Variants in ZBTB3 observed in about 807,000 individuals in gnomAD.
The protein encoded by ZBTB3 is zinc finger and BTB domain containing 3.
ZBTB3 carries 15 observed loss-of-function variants against 30.6 expected under a neutral mutation model. The ratio of observed to expected loss-of-function variants is 0.49; its 90% CI spans 0.33 to 0.75. The LOEUF is 0.75. Among genes scored for constraint, ZBTB3 ranks in the 30% least tolerant of loss-of-function variants. The pLI is 0.02. For synonymous variants in ZBTB3, 258 were observed against 261.7 expected (o/e 0.99, Z 0.14); for missense variants, 599 against 652.1 (o/e 0.92, Z 0.89).
rs996162269 is a variant in ZBTB3 at position 62,753,461 on chromosome 11, A to G, written c.204T>C (p.Asn68=). The change falls in exon 2 of 2, where the codon AAT becomes AAC. Residue 68 remains asparagine, a synonymous_variant. Coordinates refer to ENST00000394807, the MANE Select transcript of ZBTB3 (RefSeq NM_001370809.1). ...LDKRDLVCIH[N]EIVTAPAFGL... ...CAAAGGCTGGGGCTGTGACAATTTC[A>G]TTGTGAATACACACCAGATCCCTCT... 4.3e-6 allele frequency: 7 copies of G among 1,614,102 alleles called. No homozygotes were observed. The African/African-American group carries it at 5.3e-5, about 12-fold the overall frequency.
At position 62,754,085 on chromosome 11, in the gene ZBTB3, T is replaced by C; in HGVS notation, c.-173A>G. On this transcript the variant is annotated 5_prime_UTR_variant, in exon 1 of 2. Transcript: ENST00000394807. The stretch of plus-strand genomic sequence containing the variant: ...CATCTCCCTCACGCATTCCAGGGGC[T>C]AAGGACTACCAGGGTGGGAACTAGC... 6.2e-7 allele frequency: 1 copy of C among 1,611,388 alleles called. No homozygotes were observed. Among genetic ancestry groups the C allele is most frequent in the South Asian group, 1.1e-5 (1 of 91,028 alleles).
Position 62,753,347 on chromosome 11 carries a change from C to T in ZBTB3, c.318G>A (p.Leu106=). 6.2e-7 allele frequency: 1 copy of T among 1,614,080 alleles called. No homozygotes were observed. Among genetic ancestry groups the T allele is most frequent in the Non-Finnish European group, 8.5e-7 (1 of 1,180,038 alleles). Residue 106 remains leucine, a synonymous_variant, in exon 2 of 2, where the codon TTG becomes TTA. Coordinates refer to ENST00000394807, the MANE Select transcript of ZBTB3 (RefSeq NM_001370809.1). ...ACACCTTGACGATGTCATTCATGTG[C>T]AAGTAGCTGGCAGCTGCCAGCACAT... The part of the protein sequence containing the change: ...VEDVLAAASY[L]HMNDIVKVCK...
rs2084016125 is a variant in ZBTB3 at position 62,751,951 on chromosome 11, A to T, written c.*139T>A. The T allele has an allele frequency of 7.1e-5, 20 of 283,278 alleles. No homozygotes were observed. Among genetic ancestry groups the T allele is most frequent in the South Asian group, 3.3e-4 (4 of 12,240 alleles). The allele number at this position is 283,278 out of a possible 1,614,324, so 17.5% of individuals were successfully genotyped here. ...CTCTGTCTCAAAAAAATAAAAGATT[A>T]AAAAAAAAAAAGGGTAGGAACTTTC... On this transcript the variant is annotated 3_prime_UTR_variant, in exon 2 of 2. Transcript: ENST00000394807.
chr11:62,753,528 C>T lies in ZBTB3; in HGVS notation c.137G>A (p.Ser46Asn). ...CTTGTAGAAAAGCTGGAAGAATGGGCTGCAGGAGGCCAGCACAGCCCGATG... is the reference window on the plus strand; with the variant it reads ...CTTGTAGAAAAGCTGGAAGAATGGGTTGCAGGAGGCCAGCACAGCCCGATG... The part of the protein sequence containing the change: ...LAHRAVLASC[S>N]PFFQLFYKER... The change falls in exon 2 of 2, where the codon AGC becomes AAC. Residue 46 changes from serine (S) to asparagine (N), a missense_variant. Coordinates refer to ENST00000394807, the MANE Select transcript of ZBTB3 (RefSeq NM_001370809.1). 1 of 1,614,240 alleles carries T rather than the reference C, an allele frequency of 6.2e-7. No individual in the cohort carries two copies. The highest frequency in any genetic ancestry group is 1.3e-5 in the African/African-American group (1 of 75,072).
chr11:62,752,693 C>T lies in ZBTB3; in HGVS notation c.972G>A (p.Gln324=). ...CAGATGGGAAAGCTCTCTCAGGACC[C>T]TGAGGCTGTTCATCTGACACATCAG... ...EETDVSDEQP[Q]GPERAFPSGG... is the part of the protein sequence containing the mutation. Residue 324 remains glutamine, a synonymous_variant, in exon 2 of 2, where the codon CAG becomes CAA. Coordinates refer to ENST00000394807, the MANE Select transcript of ZBTB3 (RefSeq NM_001370809.1). 6.2e-7 allele frequency: 1 copy of T among 1,614,214 alleles called. No individual in the cohort carries two copies.
rs772793393 is a variant in ZBTB3, at chr11:62,752,748, A to C, written c.917T>G (p.Val306Gly). 6.2e-7 allele frequency: 1 copy of C among 1,614,178 alleles called. No individual in the cohort carries two copies. The highest frequency in any genetic ancestry group is 1.1e-5 in the South Asian group (1 of 91,084). Residue 306 changes from valine to glycine, a missense_variant, in exon 2 of 2, where the codon GTT becomes GGT. Physicochemically the swap from Val to Gly is moderately radical, Grantham distance 109. Transcript: ENST00000394807. ...TTCATCAGAGATCACAATAGCTTCA[A>C]CTTTCACCTGGACCAGCTCAGCTTC... is the stretch of plus-strand genomic sequence containing the variant. ...PAEAELVQVK[V>G]EAIVISDEET...
rs760402045 is a variant in ZBTB3 at position 62,754,011 on chromosome 11, A to G, written c.-99T>C. The G allele has an allele frequency of 3.1e-6, 5 of 1,612,972 alleles. No individual in the cohort carries two copies. The South Asian group carries it at 5.5e-5, about 18-fold the overall frequency. The stretch of plus-strand genomic sequence containing the variant: ...CGAAGTAGAGATCTTTTTCGCTCCC[A>G]GGCCTTGCCAGGCGATGCCTCTACG... On this transcript the variant is annotated 5_prime_UTR_variant, in exon 1 of 2. Transcript: ENST00000394807.
Position 62,753,560 on chromosome 11 carries a change from G to T in ZBTB3, c.105C>A (p.Phe35Leu). The T allele has an allele frequency of 6.2e-7, 1 of 1,614,132 alleles. No individual in the cohort carries two copies. Among genetic ancestry groups the T allele is most frequent in the Non-Finnish European group, 8.5e-7 (1 of 1,180,018 alleles). The change falls in exon 2 of 2, where the codon TTC becomes TTA. Residue 35 changes from phenylalanine (F) to leucine (L), a missense_variant. Physicochemically the swap from Phe to Leu is conservative, Grantham distance 22. Transcript: ENST00000394807. The stretch of plus-strand genomic sequence containing the variant: ...AGGCCAGCACAGCCCGATGGGCCAA[G>T]AACTGGGTACTACCCACCATCACGG... ...DCTVMVGSTQ[F>L]LAHRAVLASC...
intron 1 of ZBTB3, 27 bp downstream of exon 1, chr11:62,753,937 G>A (rs899916826): frequency 1.3e-6 from 2 of 1,599,760 alleles, no homozygotes; most frequent in South Asian, 1.1e-5. Context: ...CCGCCCCTTA[G>A]CCACCCTCCG....
chr11:62,753,705 C>A lies in ZBTB3; in HGVS notation c.-41G>T, dbSNP rs769044932. 5 of 1,595,380 alleles carry A rather than the reference C, an allele frequency of 3.1e-6. No homozygotes were observed. The highest frequency in any genetic ancestry group is 4.3e-6 in the Non-Finnish European group (5 of 1,171,842). On this transcript the variant is annotated 5_prime_UTR_variant, in exon 2 of 2. Transcript: ENST00000394807. Reference sequence around the variant, plus strand: ...AAAGGGGGCCCAAAAAAGGTCCCCACCAGTGGCTCCCTGAGAAAAAAGGGC... The same window carrying A: ...AAAGGGGGCCCAAAAAAGGTCCCCAACAGTGGCTCCCTGAGAAAAAAGGGC...
rs1329137676 is a variant in ZBTB3, at chr11:62,752,613, C to T, written c.1052G>A (p.Gly351Glu). The T allele has an allele frequency of 2.5e-6, 4 of 1,614,170 alleles. No homozygotes were observed. The highest frequency in any genetic ancestry group is 1.7e-5 in the Admixed American group (1 of 60,018). ...PSQPEAFEDP[G>E]AAGLEEVGPS... ...CCCCACCTCCTCCAGTCCTGCTGCC[C>T]CTGGGTCTTCAAAAGCCTCTGGCTG... Residue 351 changes from glycine (G) to glutamate (E), a missense_variant, in exon 2 of 2, where the codon GGG (glycine) becomes GAG (glutamate). Coordinates refer to ENST00000394807, the MANE Select transcript of ZBTB3 (RefSeq NM_001370809.1).
Position 62,754,126 on chromosome 11 carries a change from C to G in ZBTB3, c.-214G>C, listed in dbSNP as rs983409636. ...GGGAACTAGCGGAGAAAGCTGATAC[C>G]TCACCCACCACCGAGCAGCCACAGG... On this transcript the variant is annotated 5_prime_UTR_variant, in exon 1 of 2. Transcript: ENST00000394807. 6.6e-7 allele frequency: 1 copy of G among 1,520,486 alleles called. No individual in the cohort carries two copies. The highest frequency in any genetic ancestry group is 1.1e-5 in the South Asian group (1 of 89,172). The allele number at this position is 1,520,486 out of a possible 1,614,324, so 94.2% of individuals were successfully genotyped here. A position where few individuals can be genotyped will look rare whatever the true frequency, so the allele number is the denominator to read the frequency against.
At position 62,752,899 on chromosome 11, in the gene ZBTB3, G is replaced by C; in HGVS notation, c.766C>G (p.Leu256Val). Reference sequence around the variant, plus strand: ...GGATCCTTTGGTTCCACCACCCTCAGACTCTCAGGACCCACATCAAGAGAT... The same window carrying C: ...GGATCCTTTGGTTCCACCACCCTCACACTCTCAGGACCCACATCAAGAGAT... Reference protein sequence around the residue: ...LPSLDVGPESLRVVEPKDPGG... With the variant: ...LPSLDVGPESVRVVEPKDPGG... The change falls in exon 2 of 2, where the codon CTG becomes GTG. Residue 256 changes from leucine (L) to valine (V), a missense_variant. Leu to Val is a conservative substitution (Grantham distance 32, BLOSUM62 1). Transcript: ENST00000394807. 1 of 1,614,106 alleles carries C rather than the reference G, an allele frequency of 6.2e-7. No homozygotes were observed. Among genetic ancestry groups the C allele is most frequent in the East Asian group, 2.2e-5 (1 of 44,880 alleles).
Position 62,752,956 on chromosome 11 carries a change from C to G in ZBTB3, c.709G>C (p.Gly237Arg). ...GGCTCCAATGAAACTGCTGAGATGC[C>G]AGAAGAGAAGTAGTTTGTAGGAATG... ...ETIPTNYFSSGISAVSLEPLP... is the reference protein window; with the variant it reads ...ETIPTNYFSSRISAVSLEPLP... Residue 237 changes from glycine to arginine, a missense_variant, in exon 2 of 2, where the codon GGC becomes CGC. Coordinates refer to ENST00000394807, the MANE Select transcript of ZBTB3 (RefSeq NM_001370809.1). 1 of 1,614,094 alleles carries G rather than the reference C, an allele frequency of 6.2e-7. No individual in the cohort carries two copies. The highest frequency in any genetic ancestry group is 8.5e-7 in the Non-Finnish European group (1 of 1,180,020).
In ZBTB3 at chr11:62,752,695, G is replaced by C; in HGVS notation, c.970C>G (p.Gln324Glu). 1.2e-6 allele frequency: 2 copies of C among 1,614,202 alleles called. No individual in the cohort carries two copies. Among genetic ancestry groups the C allele is most frequent in the South Asian group, 2.2e-5 (2 of 91,086 alleles). The part of the protein sequence containing the change: ...EETDVSDEQP[Q>E]GPERAFPSGG... ...GATGGGAAAGCTCTCTCAGGACCCTGAGGCTGTTCATCTGACACATCAGTC... is the reference window on the plus strand; with the variant it reads ...GATGGGAAAGCTCTCTCAGGACCCTCAGGCTGTTCATCTGACACATCAGTC... The change falls in exon 2 of 2, where the codon CAG becomes GAG. Residue 324 changes from glutamine to glutamate, a missense_variant. Physicochemically the swap from Gln to Glu is conservative, Grantham distance 29 (BLOSUM62 2). Coordinates refer to ENST00000394807, the MANE Select transcript of ZBTB3 (RefSeq NM_001370809.1).
Position 62,752,524 on chromosome 11 carries a change from G to A in ZBTB3, c.1141C>T (p.Gln381Ter). The stretch of plus-strand genomic sequence containing the variant: ...GAGGTCACCAGTCCTCGATGATACT[G>A]CCCTGCACCTGGCAGCAGATGGTAG... ...LPYHLLPGAGQYHRGLVTSPL... is the reference protein window; with the variant it reads ...LPYHLLPGAG Residue 381 changes from glutamine to a stop codon, truncating the protein, a stop_gained, in exon 2 of 2, where the codon CAG becomes TAG. Coordinates refer to ENST00000394807, the MANE Select transcript of ZBTB3 (RefSeq NM_001370809.1). LOFTEE classifies it high-confidence loss of function. 6.2e-7 allele frequency: 1 copy of A among 1,614,192 alleles called. No homozygotes were observed. The highest frequency in any genetic ancestry group is 8.5e-7 in the Non-Finnish European group (1 of 1,180,036).
At position 62,752,157 on chromosome 11, in the gene ZBTB3, T is replaced by C. The variant is rs764386569; in HGVS notation, c.1508A>G (p.Asp503Gly). ...VQPLPGSPTA[D>G]RQSSSGGGPP... ...CCCTCCACCACTGCTGCTCTGTCTG[T>C]CTGCTGTTGGGGAGCCAGGGAGAGG... The change falls in exon 2 of 2, where the codon GAC becomes GGC. Residue 503 changes from aspartate (D) to glycine (G), a missense_variant. Physicochemically the swap from Asp to Gly is moderately conservative, Grantham distance 94. Transcript: ENST00000394807. 2 of 1,614,102 alleles carry C rather than the reference T, an allele frequency of 1.2e-6. No homozygotes were observed. Among genetic ancestry groups the C allele is most frequent in the Non-Finnish European group, 1.7e-6 (2 of 1,179,974 alleles).
At position 62,752,980 on chromosome 11, in the gene ZBTB3, T is replaced by G. The variant is rs1382822060; in HGVS notation, c.685A>C (p.Ile229Leu). The change falls in exon 2 of 2, where the codon ATT becomes CTT. Residue 229 changes from isoleucine to leucine, a missense_variant. Ile to Leu is a conservative substitution (Grantham distance 5, BLOSUM62 2). Coordinates refer to ENST00000394807, the MANE Select transcript of ZBTB3 (RefSeq NM_001370809.1). ...CCAGAAGAGAAGTAGTTTGTAGGAA[T>G]GGTCTCAGTGGAGCTACTAGGGCTG... ...LASPSSSTET[I>L]PTNYFSSGIS... The G allele has an allele frequency of 1.2e-6, 2 of 1,614,154 alleles. No homozygotes were observed. Among genetic ancestry groups the G allele is most frequent in the Middle Eastern group, 1.7e-4 (1 of 6,060 alleles).
At chr11:62,753,868 C>T in intron 1 of ZBTB3, 96 bp downstream of exon 1, 3 of 1,566,926 alleles carry the variant, frequency 1.9e-6, no homozygotes, top group Non-Finnish European at 1.7e-6. Flanking sequence ...CTCCGCCCAC[C>T]TCGGCCTAAC....
Sources: allele counts gnomAD v4.1 joint callset, GRCh38; gene constraint gnomAD v4.1.1; transcripts MANE v1.5; gene names NCBI Gene and HGNC (gene_info 2026-07-23, HGNC 2026-07-21).